NKAIN3: variants seen among roughly 807,000 people sequenced by gnomAD.
NKAIN3 encodes the protein sodium/potassium transporting ATPase interacting 3, also known as sodium/potassium-transporting ATPase subunit beta-1-interacting protein 3.
Under a neutral mutation model 30.2 loss-of-function variants are expected in NKAIN3, and 25 were observed. The observed-to-expected ratio is 0.83, with a 90% CI of 0.60 to 1.16. The LOEUF is 1.16. Ranked by LOEUF, NKAIN3 falls within the 50% of genes most tolerant of loss-of-function variation. NKAIN3 has a pLI of 0.00. For synonymous variants in NKAIN3, 91 were observed against 89.6 expected (o/e 1.02, Z -0.09); for missense variants, 225 against 254.1 (o/e 0.89, Z 0.78).
At chr8:62,744,084 G>A (rs1449588117) in intron 3 of NKAIN3, among the ~76,000 whole-genome samples, 2 of 152,106 alleles carry the variant, frequency 1.3e-5, no homozygotes, top group Non-Finnish European at 2.9e-5. Flanking sequence ...TAATTTCTAT[G>A]GCCTGCCTTG....
At position 62,589,743 on chromosome 8, in the gene NKAIN3, C is replaced by G. The variant is rs758133009; in HGVS notation, c.222C>G (p.Thr74=). ...VYTVWTALWV[T]WNVFIICFYL... is the part of the protein sequence containing the mutation. ...CAGTGTGGACTGCCCTCTGGGTCAC[C>G]TGGAATGTGTTCATTATCTGCTTTT... Residue 74 remains threonine (T), a synonymous_variant, in exon 3 of 7, where the codon ACC becomes ACG. Coordinates refer to ENST00000623646, the MANE Select transcript of NKAIN3 (RefSeq NM_001304533.3). 6.7e-5 allele frequency: 107 copies of G among 1,604,722 alleles called. No individual in the cohort carries two copies. The highest frequency in any genetic ancestry group is 8.6e-5 in the Non-Finnish European group (101 of 1,173,752).
intron 3 of NKAIN3, among the ~76,000 whole-genome samples, chr8:62,686,141 C>A (rs1813795520): frequency 6.6e-6 from 1 of 152,108 alleles, no homozygotes. Flanking sequence ...CTGCTCCTAG[C>A]AAATCACTGA....
chr8:62,377,627 T>C (rs1421439089), intron 1 of NKAIN3, among the ~76,000 whole-genome samples: 2 of 152,092 alleles, frequency 1.3e-5, no homozygotes, highest in African/African-American at 4.8e-5. Context: ...GGGAAGGACC[T>C]GGTGGGAGGT....
chr8:62,460,568 T>G (rs1805970527), intron 1 of NKAIN3, among the ~76,000 whole-genome samples: 1 of 152,142 alleles, frequency 6.6e-6, no homozygotes, highest in African/African-American at 2.4e-5. Flanking sequence ...AATATTTAAT[T>G]CACTTGAGTC....
chr8:62,913,152 AT>A (rs5891881), intron 4 of NKAIN3, among the ~76,000 whole-genome samples: 15,548 of 151,334 alleles, frequency 0.1, 823 homozygotes, highest in South Asian at 0.15. Flanking sequence ...TGCATTGAAC[AT>A]TTTTTTTTTT....
intron 1 of NKAIN3, among the ~76,000 whole-genome samples, chr8:62,433,019 C>T (rs1425982220): frequency 1.3e-5 from 2 of 152,042 alleles, no homozygotes; most frequent in African/African-American, 4.8e-5. Context: ...CCTCTTAACC[C>T]CAAAAGGGAT....
intron 4 of NKAIN3, among the ~76,000 whole-genome samples, chr8:62,908,259 A>C (rs922524577): frequency 6.6e-6 from 1 of 152,086 alleles, no homozygotes; most frequent in African/African-American, 2.4e-5. Flanking sequence ...CTGTACCCCC[A>C]TTGTATCTTG....
At chr8:62,549,072 A>G (rs182481078) in intron 1 of NKAIN3, among the ~76,000 whole-genome samples, 2 of 152,310 alleles carry the variant, frequency 1.3e-5, no homozygotes, top group Admixed American at 1.3e-4. Context: ...AAAACATTTA[A>G]TTAACTTTAA....
At chr8:62,704,265 CAATAT>C (rs553689056) in intron 3 of NKAIN3, among the ~76,000 whole-genome samples, 18 of 152,180 alleles carry the variant, frequency 1.2e-4, no homozygotes, top group African/African-American at 3.6e-4. Flanking sequence ...GTTTACATTA[CAATAT>C]GTTTCATACC....
At chr8:62,569,488 A>G (rs1268239605) in intron 1 of NKAIN3, among the ~76,000 whole-genome samples, 2 of 152,076 alleles carry the variant, frequency 1.3e-5, no homozygotes, top group Non-Finnish European at 2.9e-5. Context: ...AAAAAAGACT[A>G]CTTCAGGCTG....
At chr8:62,801,669 A>G (rs1818068666) in intron 4 of NKAIN3, among the ~76,000 whole-genome samples, 1 of 152,230 alleles carries the variant, frequency 6.6e-6, no homozygotes. Context: ...AAGATGGGGA[A>G]AAAACAGAGC....
Position 62,975,139 on chromosome 8 carries a change from C to T in NKAIN3, c.*9732C>T, listed in dbSNP as rs1160077935. The stretch of plus-strand genomic sequence containing the variant: ...GAAATTTTCATTTTTTGTTGTGTCT[C>T]TGCCTGGGATTGGTATCAGAATGAT... On this transcript the variant is annotated 3_prime_UTR_variant, in exon 7 of 7. Transcript: ENST00000623646. 6.6e-6 allele frequency among the ~76,000 whole-genome samples: 1 copy of T among 152,098 alleles called. No individual in the cohort carries two copies.
intron 1 of NKAIN3, among the ~76,000 whole-genome samples, chr8:62,405,759 A>T (rs181390544): frequency 6.6e-6 from 1 of 152,116 alleles, no homozygotes; most frequent in South Asian, 2.1e-4. Context: ...GTGCTTTTTT[A>T]TGTGAATAGT....
intron 1 of NKAIN3, among the ~76,000 whole-genome samples, chr8:62,444,926 T>C (rs1204046669): frequency 2.0e-5 from 3 of 152,106 alleles, no homozygotes; most frequent in Admixed American, 6.6e-5. Flanking sequence ...TGATATCTCA[T>C]TGGAGTTTGG....
chr8:62,362,910 G>A (rs2351670), intron 1 of NKAIN3, among the ~76,000 whole-genome samples: 147,554 of 152,238 alleles, frequency 0.97, 71,565 homozygotes, highest in East Asian at 1. Context: ...TGAACACTCA[G>A]CAGTGTGTGA....
At chr8:62,770,902 G>T (rs535523548) in intron 4 of NKAIN3, among the ~76,000 whole-genome samples, 3 of 152,148 alleles carry the variant, frequency 2.0e-5, no homozygotes, top group South Asian at 2.1e-4. Flanking sequence ...TGGTGGGCGG[G>T]GGGTGGAGGG....
At chr8:62,609,959 G>A (rs1811240176) in intron 3 of NKAIN3, among the ~76,000 whole-genome samples, 1 of 152,138 alleles carries the variant, frequency 6.6e-6, no homozygotes, top group African/African-American at 2.4e-5. Context: ...GGATGCGACT[G>A]AGCATAGGGG....
chr8:62,643,738 A>G (rs779709532), intron 3 of NKAIN3, among the ~76,000 whole-genome samples: 10 of 152,074 alleles, frequency 6.6e-5, no homozygotes, highest in Non-Finnish European at 1.3e-4. Context: ...TTTCCTATCC[A>G]CATTCCGAAC....
At chr8:62,471,216 C>A (rs1262822595) in intron 1 of NKAIN3, among the ~76,000 whole-genome samples, 1 of 151,928 alleles carries the variant, frequency 6.6e-6, no homozygotes, top group Non-Finnish European at 1.5e-5. Flanking sequence ...ATGATCCACA[C>A]CATTTTCAAG....
Sources: gnomAD v4.1 joint callset for allele counts (sites outside exome capture counted in the v4.1 genomes callset) on GRCh38, gnomAD v4.1.1 for gene constraint, MANE v1.5 for transcripts, NCBI Gene and HGNC (gene_info 2026-07-23, HGNC 2026-07-21) for gene names.